The following PTPRM variants were observed in gnomAD, a reference collection of about 807,000 sequenced individuals.
The protein encoded by PTPRM is receptor-type tyrosine-protein phosphatase mu.
PTPRM carries 47 observed loss-of-function variants against 186.7 expected under a neutral mutation model. The ratio of observed to expected loss-of-function variants is 0.25; its 90% CI spans 0.20 to 0.32. The LOEUF (loss-of-function observed/expected upper bound fraction) is 0.32, where lower values mean the gene tolerates loss of function less well. Ranked by LOEUF, PTPRM falls within the 10% of genes least tolerant of loss-of-function variation. The pLI, the probability that PTPRM is intolerant of heterozygous loss-of-function variation, is 1.00. For synonymous variants in PTPRM, 668 were observed against 674.9 expected (o/e 0.99, Z 0.16); for missense variants, 1,494 against 1,865.0 (o/e 0.80, Z 3.66).
At chr18:7,701,175 G>A (rs2039957086) in intron 1 of PTPRM, among the ~76,000 whole-genome samples, 1 of 151,394 alleles carries the variant, frequency 6.6e-6, no homozygotes, top group Non-Finnish European at 1.5e-5. Flanking sequence ...ATGGTGGCAT[G>A]TGCCTGTAGT....
At chr18:8,104,321 T>C (rs1340455513) in intron 11 of PTPRM, among the ~76,000 whole-genome samples, 14 of 152,226 alleles carry the variant, frequency 9.2e-5, no homozygotes, top group Non-Finnish European at 1.9e-4. Flanking sequence ...TTCTATATTA[T>C]GATCATTGGA....
intron 13 of PTPRM, among the ~76,000 whole-genome samples, chr18:8,125,417 A>G (rs1239386038): frequency 6.6e-6 from 1 of 152,084 alleles, no homozygotes; most frequent in Non-Finnish European, 1.5e-5. Flanking sequence ...ATATACACAT[A>G]TACATACATG....
At chr18:7,673,826 G>A (rs748678203) in intron 1 of PTPRM, among the ~76,000 whole-genome samples, 1 of 152,210 alleles carries the variant, frequency 6.6e-6, no homozygotes, top group Non-Finnish European at 1.5e-5. Context: ...AGCGGTCAAG[G>A]ACATTGGGAA....
chr18:7,600,184 C>T (rs896337924), intron 1 of PTPRM, among the ~76,000 whole-genome samples: 1 of 152,158 alleles, frequency 6.6e-6, no homozygotes, highest in South Asian at 2.1e-4. Context: ...GCCTGAGATG[C>T]CTCATGTGTA....
At chr18:7,848,004 G>A (rs1468549062) in intron 2 of PTPRM, among the ~76,000 whole-genome samples, 6 of 152,128 alleles carry the variant, frequency 3.9e-5, no homozygotes, top group Non-Finnish European at 8.8e-5. Context: ...CAAAACTAGA[G>A]GAAATCTTCC....
chr18:8,266,337 T>A (rs1198707354), intron 19 of PTPRM, among the ~76,000 whole-genome samples: 1 of 142,022 alleles, frequency 7.0e-6, no homozygotes, highest in Non-Finnish European at 1.5e-5. Flanking sequence ...GTTCTTTCGC[T>A]CTTCACTGTA....
chr18:7,583,996 G>A (rs1197682710), intron 1 of PTPRM, among the ~76,000 whole-genome samples: 1 of 151,922 alleles, frequency 6.6e-6, no homozygotes, highest in Middle Eastern at 3.2e-3. Flanking sequence ...ATGTAGATCT[G>A]TATTTGAAGG....
chr18:8,026,693 CTAAAAAT>C (rs1273096232), intron 7 of PTPRM, among the ~76,000 whole-genome samples: 2 of 152,048 alleles, frequency 1.3e-5, no homozygotes, highest in Non-Finnish European at 2.9e-5. Context: ...CCCATCTCTA[CTAAAAAT>C]ACAAAAAATT....
intron 1 of PTPRM, among the ~76,000 whole-genome samples, chr18:7,617,819 T>C (rs923306963): frequency 6.6e-6 from 1 of 152,206 alleles, no homozygotes; most frequent in African/African-American, 2.4e-5. Flanking sequence ...AGTTGAGGAA[T>C]GCCGCATTGT....
chr18:8,222,105 T>C (rs538555375), intron 14 of PTPRM, among the ~76,000 whole-genome samples: 1 of 152,348 alleles, frequency 6.6e-6, no homozygotes, highest in South Asian at 2.1e-4. Flanking sequence ...CTCCATTACA[T>C]TTAATTTGGC....
chr18:8,013,379 C>T (rs1485443448), intron 7 of PTPRM, among the ~76,000 whole-genome samples: 4 of 152,104 alleles, frequency 2.6e-5, no homozygotes, highest in African/African-American at 4.8e-5. Flanking sequence ...ATAACATAAA[C>T]CATCGATTAA....
chr18:8,338,665 A>G (rs2095455008), intron 22 of PTPRM, among the ~76,000 whole-genome samples: 1 of 152,212 alleles, frequency 6.6e-6, no homozygotes, highest in African/African-American at 2.4e-5. Context: ...ATTTCATAGG[A>G]TGGTGTTTTC....
chr18:8,162,767 C>A (rs942931644), intron 14 of PTPRM, among the ~76,000 whole-genome samples: 1 of 152,138 alleles, frequency 6.6e-6, no homozygotes, highest in South Asian at 2.1e-4. Flanking sequence ...CCTCTCTCCA[C>A]CCCATACACA....
intron 1 of PTPRM, among the ~76,000 whole-genome samples, chr18:7,643,625 C>T (rs781438360): frequency 2.6e-5 from 4 of 152,312 alleles, no homozygotes; most frequent in Middle Eastern, 3.4e-3. Flanking sequence ...CAGGCATGAG[C>T]CACTGTGCCC....
chr18:8,357,998 TGAGGTTTCTTATATAAAACTTCATATC>T (rs2095572632), intron 23 of PTPRM, among the ~76,000 whole-genome samples: 1 of 152,202 alleles, frequency 6.6e-6, no homozygotes, highest in East Asian at 1.9e-4. Flanking sequence ...CTTAGAGTAA[TGAGGTTTCTTATATAAAACTTCATATC>T]ATATGCCAAC....
chr18:8,328,384 T>G (rs2095391647), intron 22 of PTPRM, among the ~76,000 whole-genome samples: 1 of 152,178 alleles, frequency 6.6e-6, no homozygotes, highest in South Asian at 2.1e-4. Context: ...TGAAAGAACT[T>G]TTTTTTAAAT....
intron 2 of PTPRM, among the ~76,000 whole-genome samples, chr18:7,776,950 G>C (rs1167817893): frequency 6.7e-6 from 1 of 148,462 alleles, no homozygotes; most frequent in Non-Finnish European, 1.5e-5. Context: ...AGTTTTAAAT[G>C]CTTCTTAGTT....
intron 7 of PTPRM, among the ~76,000 whole-genome samples, chr18:7,990,279 C>T (rs2083195584): frequency 6.6e-6 from 1 of 152,086 alleles, no homozygotes; most frequent in Non-Finnish European, 1.5e-5. Context: ...GCACCAATGT[C>T]TTTGTATTTT....
At chr18:7,750,294 G>A (rs1202528753) in intron 1 of PTPRM, among the ~76,000 whole-genome samples, 1 of 152,124 alleles carries the variant, frequency 6.6e-6, no homozygotes, top group Non-Finnish European at 1.5e-5. Context: ...GAACACTCAA[G>A]TGATTTCTAA....
Sources: allele counts gnomAD v4.1 joint callset (sites outside exome capture counted in the v4.1 genomes callset), GRCh38; gene constraint gnomAD v4.1.1; transcripts MANE v1.5; gene names NCBI Gene and HGNC (gene_info 2026-07-23, HGNC 2026-07-21).